MTUS2: variants seen among roughly 807,000 people sequenced by gnomAD.
MTUS2 encodes the protein microtubule-associated tumor suppressor candidate 2.
A neutral mutation model predicts 114.1 loss-of-function variants in MTUS2; 40 were observed. The observed-to-expected ratio is 0.35, with a 90% CI of 0.27 to 0.46. The LOEUF (loss-of-function observed/expected upper bound fraction) is 0.46, where lower values mean the gene tolerates loss of function less well. MTUS2 is among the 20% of genes least tolerant of loss of function. MTUS2 has a pLI of 1.00. For missense variants in MTUS2, 1,679 were observed against 1,705.4 expected (o/e 0.98, Z 0.27); for synonymous variants, 688 against 672.0 (o/e 1.02, Z -0.37).
At position 28,820,599 on chromosome 13, in the gene MTUS2, C is replaced by A. The variant is rs1447770479; in HGVS notation, c.-328C>A. ...CTTGGACATTACATCTTTCTTGGCT[C>A]TTTTTGACCCAGGTGAGCGAATCCT... On this transcript the variant is annotated 5_prime_UTR_variant, in exon 1 of 16. Transcript: ENST00000612955. 6.6e-6 allele frequency: 1 copy of A among 152,216 alleles called. No homozygotes were observed. The highest frequency in any genetic ancestry group is 1.5e-5 in the Non-Finnish European group (1 of 68,114). The allele number at this position is 152,216 out of a possible 1,614,324, so 9.4% of individuals were successfully genotyped here.
intron 5 of MTUS2, among the ~76,000 whole-genome samples, chr13:29,241,206 C>G (rs944061184): frequency 2.6e-5 from 4 of 152,156 alleles, no homozygotes; most frequent in African/African-American, 9.7e-5. Context: ...GCCTAGTTTT[C>G]TGTACAGCCT....
At chr13:28,914,390 T>G (rs1253383818) in intron 2 of MTUS2, among the ~76,000 whole-genome samples, 1 of 152,134 alleles carries the variant, frequency 6.6e-6, no homozygotes, top group Non-Finnish European at 1.5e-5. Context: ...TTATTTTCCA[T>G]GTAGTTTTGT....
At chr13:29,034,196 T>C in intron 4 of MTUS2, 71 bp downstream of exon 4, 3 of 1,590,588 alleles carry the variant, frequency 1.9e-6, no homozygotes, top group Non-Finnish European at 2.6e-6. Context: ...ATGGTGATAA[T>C]TGTCTAAAAT....
intron 5 of MTUS2, among the ~76,000 whole-genome samples, chr13:29,243,054 A>T (rs868531738): frequency 6.6e-6 from 1 of 152,224 alleles, no homozygotes; most frequent in Non-Finnish European, 1.5e-5. Context: ...TTTGAGACAG[A>T]TCGAATCTGA....
chr13:29,432,844 T>C (rs1256615739), intron 8 of MTUS2, among the ~76,000 whole-genome samples: 1 of 152,254 alleles, frequency 6.6e-6, no homozygotes, highest in African/African-American at 2.4e-5. Context: ...AGGCTAGTCT[T>C]ATTTACCTTG....
intron 8 of MTUS2, among the ~76,000 whole-genome samples, chr13:29,372,499 C>A (rs1481983594): frequency 3.0e-5 from 2 of 66,816 alleles, no homozygotes; most frequent in African/African-American, 5.1e-5. Flanking sequence ...TAAGGTTGAC[C>A]AGAAGATCAA....
At chr13:29,299,848 T>A (rs778679990) in intron 6 of MTUS2, among the ~76,000 whole-genome samples, 12 of 151,288 alleles carry the variant, frequency 7.9e-5, no homozygotes, top group Non-Finnish European at 1.2e-4. Context: ...AGCTGTGAAA[T>A]GGTCTAAAGA....
chr13:29,419,768 C>T (rs1028259986), intron 8 of MTUS2, among the ~76,000 whole-genome samples: 2 of 152,148 alleles, frequency 1.3e-5, no homozygotes, highest in Non-Finnish European at 2.9e-5. Flanking sequence ...GAAGTTCTTA[C>T]GTTATTTAGG....
chr13:29,114,795 C>T (rs1891021810), intron 5 of MTUS2, among the ~76,000 whole-genome samples: 1 of 152,204 alleles, frequency 6.6e-6, no homozygotes, highest in Admixed American at 6.5e-5. Flanking sequence ...AACGCCTCAG[C>T]TTGAGGCAGT....
At chr13:28,931,651 A>G (rs1250539149) in intron 2 of MTUS2, among the ~76,000 whole-genome samples, 1 of 152,180 alleles carries the variant, frequency 6.6e-6, no homozygotes, top group Non-Finnish European at 1.5e-5. Flanking sequence ...GGACTAATAC[A>G]GCATAATAAT....
At chr13:28,994,905 A>T (rs1354146389) in intron 2 of MTUS2, among the ~76,000 whole-genome samples, 1 of 152,076 alleles carries the variant, frequency 6.6e-6, no homozygotes, top group African/African-American at 2.4e-5. Flanking sequence ...CTTTAGTTTA[A>T]TTAGATCCCC....
Position 29,024,654 on chromosome 13 carries a change from A to T in MTUS2, c.-45A>T, listed in dbSNP as rs1886426700. 6.3e-7 allele frequency: 1 copy of T among 1,586,856 alleles called. No individual in the cohort carries two copies. Among genetic ancestry groups the T allele is most frequent in the Non-Finnish European group, 8.6e-7 (1 of 1,168,482 alleles). On this transcript the variant is annotated 5_prime_UTR_variant, in exon 3 of 16. Coordinates refer to ENST00000612955, the MANE Select transcript of MTUS2 (RefSeq NM_001033602.4). ...TGCAGCTTGAAGGCAGCCCATTTCC[A>T]TTAAGTAGGACTGCATGGCAAGCAG... is the stretch of plus-strand genomic sequence containing the variant.
At chr13:29,055,528 A>G (rs905250490) in intron 4 of MTUS2, among the ~76,000 whole-genome samples, 1 of 151,996 alleles carries the variant, frequency 6.6e-6, no homozygotes, top group Non-Finnish European at 1.5e-5. Flanking sequence ...CCCACCTTCT[A>G]CCCTCAAGTA....
At chr13:29,402,383 G>A (rs987251136) in intron 8 of MTUS2, among the ~76,000 whole-genome samples, 2 of 152,186 alleles carry the variant, frequency 1.3e-5, no homozygotes, top group Non-Finnish European at 2.9e-5. Flanking sequence ...GCAGATGGTA[G>A]TAGAGCCAGA....
At chr13:29,077,706 TC>T (rs1889257078) in intron 4 of MTUS2, among the ~76,000 whole-genome samples, 1 of 152,228 alleles carries the variant, frequency 6.6e-6, no homozygotes. Context: ...TTGTGAAGTG[TC>T]TTGACAATGG....
chr13:29,395,873 T>G (rs3125716), intron 8 of MTUS2, among the ~76,000 whole-genome samples: 146,550 of 152,286 alleles, frequency 0.96, 70,777 homozygotes, highest in East Asian at 1. Flanking sequence ...CTGGTACTCT[T>G]CAAAATTTAT....
chr13:29,478,259 T>A (rs943284854), intron 9 of MTUS2, among the ~76,000 whole-genome samples: 1 of 152,224 alleles, frequency 6.6e-6, no homozygotes, highest in African/African-American at 2.4e-5. Context: ...GAAGTAGGTC[T>A]GAGCACTGGG....
chr13:29,019,640 T>C (rs1280334880), intron 2 of MTUS2, among the ~76,000 whole-genome samples: 1 of 152,202 alleles, frequency 6.6e-6, no homozygotes, highest in Non-Finnish European at 1.5e-5. Flanking sequence ...TATGGTACTT[T>C]GGTGTTTTAA....
intron 2 of MTUS2, among the ~76,000 whole-genome samples, chr13:28,905,221 C>A (rs1184657362): frequency 6.6e-6 from 1 of 151,554 alleles, no homozygotes; most frequent in African/African-American, 2.4e-5. Flanking sequence ...TTGACTTCCT[C>A]TTTTCCTAAT....
Sources: gnomAD v4.1 joint callset for allele counts (sites outside exome capture counted in the v4.1 genomes callset) on GRCh38, gnomAD v4.1.1 for gene constraint, MANE v1.5 for transcripts, NCBI Gene and HGNC (gene_info 2026-07-23, HGNC 2026-07-21) for gene names.